RTEL1: variants seen among roughly 807,000 people sequenced by gnomAD.
RTEL1 encodes the protein regulator of telomere elongation helicase 1.
RTEL1 carries 86 observed loss-of-function variants against 162.2 expected under a neutral mutation model. That is an observed-to-expected ratio of 0.53 (90% CI 0.45 to 0.63). The LOEUF (loss-of-function observed/expected upper bound fraction) is 0.63. RTEL1 is among the 30% of genes least tolerant of loss of function. The pLI, the probability that RTEL1 is intolerant of heterozygous loss-of-function variation, is 0.00. For missense variants in RTEL1, 1,941 were observed against 1,750.2 expected, an observed-to-expected ratio of 1.11 and a Z score of -1.95; for synonymous variants, 958 against 717.9, an observed-to-expected ratio of 1.33 and a Z score of -5.35.
In RTEL1 at chr20:63,662,382, C is replaced by A. The variant is rs534337623; in HGVS notation, c.396-164C>A. 1.8e-5 allele frequency: 26 copies of A among 1,429,702 alleles called. No homozygotes were observed. In the South Asian group the frequency reaches 2.9e-4, roughly 16 times the overall value. 88.6% of individuals were successfully genotyped at this position (1,429,702 alleles called of 1,614,324 possible). ...ATCTCCTCCCTCTGTCCAGTACCCC[C>A]GCTCGTCTTCTAGCTCCCTCCTACG... On this transcript the variant is annotated intron_variant, in intron 4 of 34. Transcript: ENST00000360203.
At chr20:63,662,124 C>T (rs2090032581) in intron 4 of RTEL1, among the ~76,000 whole-genome samples, 181 bp downstream of exon 4, 3 of 152,136 alleles carry the variant, frequency 2.0e-5, no homozygotes, top group African/African-American at 7.2e-5. Flanking sequence ...CCTCCAATGC[C>T]CATTACTTGT....
intron 6 of RTEL1, among the ~76,000 whole-genome samples, chr20:63,663,273 G>A (rs1241876415): frequency 1.3e-5 from 2 of 152,236 alleles, no homozygotes; most frequent in Non-Finnish European, 1.5e-5. Context: ...TCCAGTGACC[G>A]GCCCTCATAC....
At chr20:63,680,827 C>G in intron 14 of RTEL1, 108 bp downstream of exon 14, 1 of 1,541,320 alleles carries the variant, frequency 6.5e-7, no homozygotes, top group Non-Finnish European at 8.9e-7. Flanking sequence ...GGAGAAAGGC[C>G]CCTACACCAC....
intron 22 of RTEL1, 70 bp from the exon 23 acceptor site, chr20:63,689,432 C>T: frequency 1.4e-6 from 2 of 1,448,306 alleles, no homozygotes; most frequent in East Asian, 5.0e-5. Flanking sequence ...GGGAAGGTGG[C>T]TGGGCTGGGT....
Position 63,693,218 on chromosome 20 carries a change from G to A in RTEL1, c.2927G>A (p.Cys976Tyr). ...TGTATCCAGCTGACAGGACGAGGCT[G>A]TGGCTATCGGCCTGAGCACAGCATT... is the stretch of plus-strand genomic sequence containing the variant. ...EVCIQLTGRG[C>Y]GYRPEHSIPR... Residue 976 changes from cysteine to tyrosine, a missense_variant, in exon 30 of 35, where the codon TGT becomes TAT. Transcript: ENST00000360203. 1 of 1,612,150 alleles carries A rather than the reference G, an allele frequency of 6.2e-7. No individual in the cohort carries two copies. Among genetic ancestry groups the A allele is most frequent in the Non-Finnish European group, 8.5e-7 (1 of 1,179,532 alleles).
Position 63,659,476 on chromosome 20 carries a change from T to C in RTEL1, c.74T>C (p.Met25Thr). Reference protein sequence around the residue: ...FQPYKCQQEYMTKVLECLQQK... With the variant: ...FQPYKCQQEYTTKVLECLQQK... ...CCCTACAAATGCCAACAGGAGTACA[T>C]GACCAAGGTCCTGGAATGTCTGCAG... The change falls in exon 2 of 35, where the codon ATG becomes ACG. Residue 25 changes from methionine (M) to threonine (T), a missense_variant. Coordinates refer to ENST00000360203, the MANE Select transcript of RTEL1 (RefSeq NM_001283009.2). 1 of 1,614,018 alleles carries C rather than the reference T, an allele frequency of 6.2e-7. No individual in the cohort carries two copies. The highest frequency in any genetic ancestry group is 8.5e-7 in the Non-Finnish European group (1 of 1,179,868).
In RTEL1 at chr20:63,688,198, C is replaced by A; in HGVS notation, c.1636+19C>A. ...GCTCTGGGTGAGTGCCCTGAATGCC[C>A]CAGCTGTGCCCATCCTGGATCCTGG... is the stretch of plus-strand genomic sequence containing the variant. On this transcript the variant is annotated intron_variant, in intron 19 of 34. Transcript: ENST00000360203. 1.2e-6 allele frequency: 2 copies of A among 1,611,318 alleles called. No individual in the cohort carries two copies. Among genetic ancestry groups the A allele is most frequent in the Non-Finnish European group, 8.5e-7 (1 of 1,179,886 alleles).
At position 63,668,250 on chromosome 20, in the gene RTEL1, A is replaced by G. The variant is rs1427773962; in HGVS notation, c.699+697A>G. 6.6e-6 allele frequency among the ~76,000 whole-genome samples: 1 copy of G among 152,086 alleles called. No individual in the cohort carries two copies. The highest frequency in any genetic ancestry group is 1.5e-5 in the Non-Finnish European group (1 of 68,030). ...CTTAGTGCAGGTGGGATCACACGCCACGGGTCAATGGTTTGTGTGTTCACG... is the reference window on the plus strand; with the variant it reads ...CTTAGTGCAGGTGGGATCACACGCCGCGGGTCAATGGTTTGTGTGTTCACG... On this transcript the variant is annotated intron_variant, in intron 8 of 34. Transcript: ENST00000360203. The surrounding 1 kb of genome is among the most constrained non-coding windows in gnomAD (Gnocchi z 4.3).
At position 63,684,595 on chromosome 20, in the gene RTEL1, C is replaced by T. The variant is rs149346990; in HGVS notation, c.1192-928C>T. On this transcript the variant is annotated intron_variant, in intron 14 of 34. Transcript: ENST00000360203. ...GTCTCGATCTCCTGACCTCGTGATC[C>T]GCCTCCCAAAGTGCTGGGATTACAG... Among the ~76,000 whole-genome samples the T allele has an allele frequency of 2.0e-3, 299 of 152,110 alleles. 1 individual carries two copies. Among genetic ancestry groups the T allele is most frequent in the Non-Finnish European group, 2.8e-3 (188 of 68,002 alleles).
intron 10 of RTEL1, among the ~76,000 whole-genome samples, chr20:63,675,191 C>T (rs997640298): frequency 6.6e-5 from 10 of 152,240 alleles, no homozygotes; most frequent in Non-Finnish European, 1.2e-4. Flanking sequence ...AGGCGTGAGC[C>T]GCCACGCCCG....
intron 14 of RTEL1, among the ~76,000 whole-genome samples, chr20:63,685,224 G>GC (rs1368549120): frequency 6.6e-6 from 1 of 152,190 alleles, no homozygotes; most frequent in African/African-American, 2.4e-5. Flanking sequence ...GCCCTCAGGG[G>GC]CACAGAGAGG....
chr20:63,683,570 G>C (rs1202667596), intron 14 of RTEL1, among the ~76,000 whole-genome samples: 1 of 152,238 alleles, frequency 6.6e-6, no homozygotes, highest in Non-Finnish European at 1.5e-5. Context: ...CTGTGTTCCA[G>C]CCGTGGTGTC....
chr20:63,694,179 C>A, intron 30 of RTEL1, 193 bp from the exon 31 acceptor site: 1 of 600,436 alleles, frequency 1.7e-6, no homozygotes, highest in Non-Finnish European at 3.0e-6. Context: ...CTGCCCGCCA[C>A]TGTTCCAGCC....
At chr20:63,689,956 T>C (rs1365718103) in intron 24 of RTEL1, 91 bp downstream of exon 24, 54 of 1,551,044 alleles carry the variant, frequency 3.5e-5, no homozygotes, top group Non-Finnish European at 7.0e-6. Flanking sequence ...TGAGGCCCCG[T>C]CTCCTCCAGA....
intron 14 of RTEL1, among the ~76,000 whole-genome samples, chr20:63,683,718 G>C (rs1362499942): frequency 6.6e-6 from 1 of 152,182 alleles, no homozygotes; most frequent in African/African-American, 2.4e-5. Context: ...CCACATTGCT[G>C]AGCCTGTTGG....
At chr20:63,681,750 C>T (rs905807654) in intron 14 of RTEL1, 11 of 985,216 alleles carry the variant, frequency 1.1e-5, no homozygotes, top group South Asian at 4.7e-5. Flanking sequence ...AGCCCTCCCT[C>T]CACTGTGGCC....
At chr20:63,672,703 C>A in intron 9 of RTEL1, 82 bp downstream of exon 9, 1 of 1,219,932 alleles carries the variant, frequency 8.2e-7, no homozygotes, top group Non-Finnish European at 1.2e-6. Context: ...TCTGGAGGGG[C>A]TCTGGCCAAA....
At position 63,659,363 on chromosome 20, in the gene RTEL1, C is replaced by T. The variant is rs1035447147; in HGVS notation, c.-40C>T. 4.7e-6 allele frequency: 7 copies of T among 1,481,944 alleles called. No individual in the cohort carries two copies. Among genetic ancestry groups the T allele is most frequent in the South Asian group, 2.3e-5 (2 of 88,246 alleles). The allele number at this position is 1,481,944 out of a possible 1,614,324, so 91.8% of individuals were successfully genotyped here. On this transcript the variant is annotated 5_prime_UTR_variant, in exon 2 of 35. Coordinates refer to ENST00000360203, the MANE Select transcript of RTEL1 (RefSeq NM_001283009.2). ...TTTCGCACAGACCCGAATAGCCTGC[C>T]CCTCAGCCACGCTCTGTGCCCTTCT...
intron 26 of RTEL1, 66 bp downstream of exon 26, chr20:63,690,507 C>A: frequency 1.4e-6 from 2 of 1,404,546 alleles, no homozygotes; most frequent in Non-Finnish European, 1.9e-6. Flanking sequence ...GGGCGGGCAG[C>A]ACCAGGCGCC....
Sources: gnomAD v4.1 joint callset for allele counts (sites outside exome capture counted in the v4.1 genomes callset) on GRCh38, gnomAD v4.1.1 for gene constraint, Gnocchi (gnomAD v3.1) non-coding constraint, MANE v1.5 for transcripts, NCBI Gene and HGNC (gene_info 2026-07-23, HGNC 2026-07-21) for gene names.